REEP2: variants seen among roughly 807,000 people sequenced by gnomAD.
REEP2 encodes the protein receptor expression-enhancing protein 2.
In REEP2, 9 loss-of-function variants were observed where a neutral mutation model predicts 32.1. That is an observed-to-expected ratio of 0.28 (90% confidence interval 0.17 to 0.49). The LOEUF (loss-of-function observed/expected upper bound fraction) is 0.49, where lower values mean the gene tolerates loss of function less well. Ranked by LOEUF, REEP2 falls within the 20% of genes least tolerant of loss-of-function variation. The probability of loss-of-function intolerance (pLI) is 0.99; values close to 1 mark genes in which losing one functional copy is unlikely to be tolerated. For synonymous variants in REEP2, 128 were observed against 139.1 expected (o/e 0.92, Z 0.56); for missense variants, 236 against 338.0 (o/e 0.70, Z 2.37).
At chr5:138,440,786 C>G (rs1296263258) in intron 1 of REEP2, among the ~76,000 whole-genome samples, 1 of 152,216 alleles carries the variant, frequency 6.6e-6, no homozygotes, top group East Asian at 1.9e-4. Flanking sequence ...GGGCCTTTCC[C>G]TGCCTCCGGG....
intron 1 of REEP2, chr5:138,439,548 GGCAGGCGCGTCCCCTCCCCCACCTA>G (rs1242143467): frequency 2.0e-5 from 10 of 505,892 alleles, no homozygotes; most frequent in Non-Finnish European, 3.7e-5. Context: ...TAAAAGGGGA[GGCAGGCGCGTCCCCTCCCCCACCTA>G]GCAGGTCTGG....
At chr5:138,439,874 C>T (rs1283930106) in intron 1 of REEP2, 3 of 406,790 alleles carry the variant, frequency 7.4e-6, no homozygotes, top group South Asian at 1.8e-5. Context: ...TTGTGGACCC[C>T]GCTGGGGGAG....
rs567743349 is a variant in REEP2 at position 138,446,030 on chromosome 5, G to A, written c.*279G>A. 5.5e-5 allele frequency: 26 copies of A among 474,978 alleles called. No homozygotes were observed. The Admixed American group carries it at 6.1e-4, about 11-fold the overall frequency. The allele number at this position is 474,978 out of a possible 1,614,324, so 29.4% of individuals were successfully genotyped here. ...ACTGCTCGGCCTCCACCGCTGTTCC[G>A]CTGCAGCCCCGCCCTGCCCCACCCA... On this transcript the variant is annotated 3_prime_UTR_variant, in exon 8 of 8. Transcript: ENST00000378339.
In REEP2 at chr5:138,439,194, G is replaced by T; in HGVS notation, c.-15G>T. On this transcript the variant is annotated 5_prime_UTR_variant, in exon 1 of 8. Transcript: ENST00000378339. ...CCGGGCCGGGTCCCCGCCCCGCGCC[G>T]CGCCCGGCCCCGCCATGGTGTCCTG... 1.5e-6 allele frequency: 2 copies of T among 1,361,052 alleles called. No homozygotes were observed. The highest frequency in any genetic ancestry group is 9.4e-7 in the Non-Finnish European group (1 of 1,058,912). The allele number at this position is 1,361,052 out of a possible 1,614,324, so 84.3% of individuals were successfully genotyped here.
At chr5:138,445,182 C>T (rs758030708) in intron 5 of REEP2, 46 bp from the exon 6 acceptor site, 7 of 1,541,370 alleles carry the variant, frequency 4.5e-6, no homozygotes, top group Non-Finnish European at 6.1e-6. Flanking sequence ...CTATCTCCAC[C>T]CCGCCCCTTC....
chr5:138,444,161 A>G (rs1383153499), intron 3 of REEP2, among the ~76,000 whole-genome samples: 1 of 151,826 alleles, frequency 6.6e-6, no homozygotes, highest in Non-Finnish European at 1.5e-5. Context: ...GGGCTTGGGG[A>G]GAGGATGAGG....
intron 3 of REEP2, among the ~76,000 whole-genome samples, chr5:138,442,165 T>C (rs1465530796): frequency 6.6e-6 from 1 of 152,226 alleles, no homozygotes; most frequent in African/African-American, 2.4e-5. Flanking sequence ...TGTACTAGAC[T>C]ACGTATGTAT....
At chr5:138,439,702 C>T (rs1263897227) in intron 1 of REEP2, 2 of 457,474 alleles carry the variant, frequency 4.4e-6, no homozygotes, top group South Asian at 1.5e-5. Context: ...CATCACCAGG[C>T]CCCTTGGTCT....
intron 5 of REEP2, 68 bp downstream of exon 5, chr5:138,444,935 T>G: frequency 8.4e-7 from 1 of 1,186,396 alleles, no homozygotes; most frequent in Non-Finnish European, 1.2e-6. Flanking sequence ...CCAGGCCCCT[T>G]TGCATCCACC....
At chr5:138,439,645 G>GA in intron 1 of REEP2, 1 of 464,946 alleles carries the variant, frequency 2.2e-6, no homozygotes, top group South Asian at 1.5e-5. Context: ...GGTGATGGAA[G>GA]AGAGTGGAGC....
intron 1 of REEP2, chr5:138,439,616 C>A (rs2127020558): frequency 2.1e-6 from 1 of 477,668 alleles, no homozygotes; most frequent in Non-Finnish European, 4.1e-6. Flanking sequence ...GGGCCCTGTC[C>A]CTCTGGGGGA....
intron 1 of REEP2, 40 bp downstream of exon 1, chr5:138,439,280 G>T: frequency 7.0e-7 from 1 of 1,428,758 alleles, no homozygotes; most frequent in Non-Finnish European, 9.2e-7. Flanking sequence ...GGGCTGTGAT[G>T]GAGGGCGGGG....
chr5:138,441,449 T>C lies in REEP2; in HGVS notation c.170T>C (p.Ile57Thr), dbSNP rs749566032. ...ACCACGGCCGAGACGCTCACGGATATAGTGCTCTCCTGGTGAGGTCCAGCG... is the reference window on the plus strand; with the variant it reads ...ACCACGGCCGAGACGCTCACGGATACAGTGCTCTCCTGGTGAGGTCCAGCG... ...FFTTAETLTD[I>T]VLSWFPFYFE... Residue 57 changes from isoleucine to threonine, a missense_variant, in exon 3 of 8, where the codon ATA (isoleucine) becomes ACA (threonine). By Grantham distance (89) the Ile-to-Thr change is moderately conservative. Coordinates refer to ENST00000378339, the MANE Select transcript of REEP2 (RefSeq NM_001271803.2). This position sits in a 1 kb window ranked among gnomAD's most constrained non-coding sequence, Gnocchi z 4.4. 1 of 1,614,088 alleles carries C rather than the reference T, an allele frequency of 6.2e-7. No individual in the cohort carries two copies. The highest frequency in any genetic ancestry group is 8.5e-7 in the Non-Finnish European group (1 of 1,179,962).
intron 6 of REEP2, 29 bp from the exon 7 acceptor site, chr5:138,445,439 C>A: frequency 1.2e-6 from 2 of 1,613,768 alleles, no homozygotes; most frequent in South Asian, 2.2e-5. Context: ...GGGAAAGATT[C>A]CCCCACCTCC....
In REEP2 at chr5:138,444,399, G is replaced by A. The variant is rs201411454; in HGVS notation, c.183-16G>A. 1.1e-4 allele frequency: 183 copies of A among 1,612,866 alleles called. 2 individuals are homozygous for A. Among genetic ancestry groups the A allele is most frequent in the Non-Finnish European group, 1.4e-4 (163 of 1,179,710 alleles). ...ACTCCCTGCCCTGTACTCTGCGCTT[G>A]CCCCTGTCCCAACAGGTTCCCCTTC... On this transcript the variant is annotated splice_polypyrimidine_tract_variant and intron_variant, in intron 3 of 7. Coordinates refer to ENST00000378339, the MANE Select transcript of REEP2 (RefSeq NM_001271803.2).
At position 138,441,261 on chromosome 5, in the gene REEP2, A is replaced by G. The variant is rs1763818613; in HGVS notation, c.106-124A>G. 7.9e-7 allele frequency: 1 copy of G among 1,267,124 alleles called. No individual in the cohort carries two copies. Among genetic ancestry groups the G allele is most frequent in the East Asian group, 2.3e-5 (1 of 43,138 alleles). The allele number at this position is 1,267,124 out of a possible 1,614,324, so 78.5% of individuals were successfully genotyped here. The stretch of plus-strand genomic sequence containing the variant: ...ACACAGCGCCTCCAACATGGCTGGC[A>G]GGCAGAAGTGGGGTCCTTGGTGTTC... On this transcript the variant is annotated intron_variant, in intron 2 of 7. Coordinates refer to ENST00000378339, the MANE Select transcript of REEP2 (RefSeq NM_001271803.2). This position sits in a 1 kb window ranked among gnomAD's most constrained non-coding sequence, Gnocchi z 4.4.
At chr5:138,443,934 A>G (rs1391741993) in intron 3 of REEP2, 1 of 154,086 alleles carries the variant, frequency 6.5e-6, no homozygotes, top group East Asian at 1.9e-4. Flanking sequence ...AGAAGGCACT[A>G]TGGGGACTGA....
Position 138,445,608 on chromosome 5 carries a change from CT to C in REEP2, c.696+11del. On this transcript the variant is annotated intron_variant, in intron 7 of 7. Coordinates refer to ENST00000378339, the MANE Select transcript of REEP2 (RefSeq NM_001271803.2). Reference sequence around the variant, plus strand: ...AGCGCCCAAAGCTGAGGTGAGGGCACTGGCCAGAGCTTGGGGAAACAGGCAG... The same window carrying C: ...AGCGCCCAAAGCTGAGGTGAGGGCACGGCCAGAGCTTGGGGAAACAGGCAG... 6.2e-7 allele frequency: 1 copy of C among 1,614,206 alleles called. No homozygotes were observed.
In REEP2 at chr5:138,444,512, C is replaced by T; in HGVS notation, c.280C>T (p.Pro94Ser). 1 of 1,614,074 alleles carries T rather than the reference C, an allele frequency of 6.2e-7. No individual in the cohort carries two copies. The highest frequency in any genetic ancestry group is 2.2e-5 in the East Asian group (1 of 44,874). The change falls in exon 4 of 8, where the codon CCA (proline) becomes TCA (serine). Residue 94 changes from proline (P) to serine (S), a missense_variant. Physicochemically the swap from Pro to Ser is moderately conservative, Grantham distance 74. Coordinates refer to ENST00000378339, the MANE Select transcript of REEP2 (RefSeq NM_001271803.2). Reference sequence around the variant, plus strand: ...CGTGCTCTACCGCAAGTTCGTGCACCCAACGCTGTCCAACAAGGAGAAGGT... The same window carrying T: ...CGTGCTCTACCGCAAGTTCGTGCACTCAACGCTGTCCAACAAGGAGAAGGT... ...SSVLYRKFVH[P>S]TLSNKEKEID...
Sources: allele counts gnomAD v4.1 joint callset (sites outside exome capture counted in the v4.1 genomes callset), GRCh38; gene constraint gnomAD v4.1.1; non-coding constraint Gnocchi (gnomAD v3.1); transcripts MANE v1.5; gene names NCBI Gene and HGNC (gene_info 2026-07-23, HGNC 2026-07-21).